UST: variants seen among roughly 807,000 people sequenced by gnomAD.
The protein encoded by UST is uronyl 2-sulfotransferase, also known as chondroitin sulfate 2-O-sulfotransferase.
A neutral mutation model predicts 45.6 loss-of-function variants in UST; 21 were observed. The observed-to-expected ratio is 0.46, with a 90% confidence interval of 0.33 to 0.66. The LOEUF (loss-of-function observed/expected upper bound fraction) is 0.66, where lower values mean the gene tolerates loss of function less well. UST is among the 30% of genes least tolerant of loss of function. The pLI is 0.02. For synonymous variants in UST, 215 were observed against 200.6 expected (o/e 1.07, Z -0.61); for missense variants, 463 against 512.4 (o/e 0.90, Z 0.93).
intron 7 of UST, among the ~76,000 whole-genome samples, chr6:149,053,475 T>A (rs1776518153): frequency 6.6e-6 from 1 of 152,248 alleles, no homozygotes; most frequent in Non-Finnish European, 1.5e-5. Context: ...TCTTCTATGT[T>A]CCTCTTTGTG....
At position 149,076,091 on chromosome 6, in the gene UST, C is replaced by G. The variant is rs962633684; in HGVS notation, c.*1975C>G. 3 of 152,662 alleles carry G rather than the reference C, an allele frequency of 2.0e-5. No homozygotes were observed. Among genetic ancestry groups the G allele is most frequent in the Non-Finnish European group, 4.4e-5 (3 of 68,176 alleles). The allele number at this position is 152,662 out of a possible 1,614,324, so 9.5% of individuals were successfully genotyped here. A position where few individuals can be genotyped will look rare whatever the true frequency, so the allele number is the denominator to read the frequency against. On this transcript the variant is annotated 3_prime_UTR_variant, in exon 8 of 8. Transcript: ENST00000367463. ...CCGCTCATGGGCCTTCTTTCTGCCT[C>G]AGAGGACGGGGGCAGAGAAGTGATG...
intron 3 of UST, among the ~76,000 whole-genome samples, chr6:148,945,491 G>C (rs1284980417): frequency 6.6e-6 from 1 of 152,172 alleles, no homozygotes; most frequent in Non-Finnish European, 1.5e-5. Flanking sequence ...TGTCACAAGA[G>C]ATTTTATGAT....
intron 7 of UST, among the ~76,000 whole-genome samples, chr6:149,067,010 A>T (rs1232763069): frequency 1.3e-5 from 2 of 152,104 alleles, no homozygotes; most frequent in African/African-American, 4.8e-5. Flanking sequence ...TTTTTTCTAT[A>T]CCTTTCTTCA....
chr6:149,029,477 T>TATATATACA (rs1562333895), intron 7 of UST, among the ~76,000 whole-genome samples: 1 of 145,838 alleles, frequency 6.9e-6, no homozygotes, highest in African/African-American at 2.5e-5. Flanking sequence ...ATATATATAA[T>TATATATACA]GTATATATAA....
At chr6:148,798,169 C>T (rs1776986826) in intron 1 of UST, among the ~76,000 whole-genome samples, 1 of 152,142 alleles carries the variant, frequency 6.6e-6, no homozygotes. Flanking sequence ...GAGGGCAGAA[C>T]AGGACATTAG....
At chr6:148,981,794 G>A (rs1244068504) in intron 5 of UST, among the ~76,000 whole-genome samples, 1 of 152,110 alleles carries the variant, frequency 6.6e-6, no homozygotes, top group Non-Finnish European at 1.5e-5. Flanking sequence ...AAGCATCTCC[G>A]GTGCCTCTGG....
Position 148,841,581 on chromosome 6 carries a change from G to GTTTTTTTTTTT in UST, c.248-45400_248-45399insTTTTTTTTTTT. 1.8e-5 allele frequency among the ~76,000 whole-genome samples: 2 copies of GTTTTTTTTTTT among 111,288 alleles called. 1 individual carries two copies. Among genetic ancestry groups the GTTTTTTTTTTT allele is most frequent in the Non-Finnish European group, 3.7e-5 (2 of 53,568 alleles). 73.0% of individuals were successfully genotyped at this position (111,288 alleles called of 152,430 possible). ...TAATTTGCCCAAGGGGGTCTGTTTTGTTTTTGTTTTTTTTTTCTGTCATGT... is the reference window on the plus strand; with the variant it reads ...TAATTTGCCCAAGGGGGTCTGTTTTGTTTTTTTTTTTTTTTTGTTTTTTTTTTCTGTCATGT... On this transcript the variant is annotated intron_variant, in intron 1 of 7. Coordinates refer to ENST00000367463, the MANE Select transcript of UST (RefSeq NM_005715.3).
chr6:148,780,707 T>C (rs1474646775), intron 1 of UST, among the ~76,000 whole-genome samples: 1 of 152,242 alleles, frequency 6.6e-6, no homozygotes, highest in East Asian at 1.9e-4. Context: ...TTTAGGTTCA[T>C]TCTATGTCTT....
At chr6:148,887,983 T>G (rs1778942045) in intron 2 of UST, among the ~76,000 whole-genome samples, 1 of 152,182 alleles carries the variant, frequency 6.6e-6, no homozygotes, top group African/African-American at 2.4e-5. Flanking sequence ...CCCCCAACCT[T>G]AGAGGCTTTG....
chr6:148,809,956 A>C (rs1200337957), intron 1 of UST, among the ~76,000 whole-genome samples: 2 of 152,228 alleles, frequency 1.3e-5, no homozygotes, highest in Non-Finnish European at 2.9e-5. Flanking sequence ...TATCATGTAC[A>C]GAAAGTTGGT....
chr6:148,850,789 T>A (rs541566716), intron 1 of UST, among the ~76,000 whole-genome samples: 1 of 152,324 alleles, frequency 6.6e-6, no homozygotes, highest in African/African-American at 2.4e-5. Flanking sequence ...TCGTGGACTC[T>A]ACACTGATAC....
At chr6:148,776,492 C>T (rs1776537670) in intron 1 of UST, among the ~76,000 whole-genome samples, 1 of 152,062 alleles carries the variant, frequency 6.6e-6, no homozygotes, top group East Asian at 1.9e-4. Context: ...CTTTTCTGCA[C>T]GTGGTGAGTT....
chr6:148,912,858 T>G (rs1418805094), intron 2 of UST, among the ~76,000 whole-genome samples: 2 of 152,188 alleles, frequency 1.3e-5, no homozygotes, highest in Non-Finnish European at 2.9e-5. Context: ...TGTGAAGTAC[T>G]GTAGAGCAGA....
At chr6:148,975,604 T>A (rs771433036) in intron 5 of UST, among the ~76,000 whole-genome samples, 2 of 152,168 alleles carry the variant, frequency 1.3e-5, no homozygotes, top group African/African-American at 4.8e-5. Flanking sequence ...ATAATAATAA[T>A]ATTATTATTT....
chr6:149,046,611 T>C (rs1776398550), intron 7 of UST, among the ~76,000 whole-genome samples: 2 of 152,232 alleles, frequency 1.3e-5, no homozygotes, highest in African/African-American at 4.8e-5. Context: ...TCTGAATGTC[T>C]GTTTCTTCAT....
intron 1 of UST, among the ~76,000 whole-genome samples, chr6:148,761,717 G>A (rs12189648): frequency 0.26 from 39,790 of 152,152 alleles, 5,634 homozygotes; most frequent in Middle Eastern, 0.4. Context: ...AGCCTGGCCC[G>A]GGGATTGTGG....
At chr6:149,037,566 T>C (rs892617809) in intron 7 of UST, among the ~76,000 whole-genome samples, 5 of 152,164 alleles carry the variant, frequency 3.3e-5, no homozygotes, top group Non-Finnish European at 7.4e-5. Context: ...TGTTCTTGCC[T>C]GGGAGCAGGA....
chr6:148,851,398 C>G (rs1021551021), intron 1 of UST, among the ~76,000 whole-genome samples: 3 of 152,098 alleles, frequency 2.0e-5, no homozygotes, highest in African/African-American at 7.2e-5. Context: ...AAATGCAAAT[C>G]TTGAACTAGA....
intron 2 of UST, among the ~76,000 whole-genome samples, chr6:148,922,664 A>G (rs530918023): frequency 9.1e-4 from 137 of 150,824 alleles, no homozygotes; most frequent in Non-Finnish European, 1.1e-3. Context: ...CTATAGAGAC[A>G]GGGTTTCACT....
Sources: allele counts gnomAD v4.1 joint callset (sites outside exome capture counted in the v4.1 genomes callset), GRCh38; gene constraint gnomAD v4.1.1; transcripts MANE v1.5; gene names NCBI Gene and HGNC (gene_info 2026-07-23, HGNC 2026-07-21).